TAF5: variants seen among roughly 807,000 people sequenced by gnomAD.
TAF5 encodes transcription initiation factor TFIID subunit 5.
TAF5 carries 20 observed loss-of-function variants against 80.9 expected under a neutral mutation model. That is an observed-to-expected ratio of 0.25 (90% confidence interval 0.17 to 0.36). The LOEUF is 0.36. Ranked by LOEUF, TAF5 falls within the 10% of genes least tolerant of loss-of-function variation. The pLI, the probability that TAF5 is intolerant of heterozygous loss-of-function variation, is 1.00. For synonymous variants in TAF5, 388 were observed against 406.4 expected, an observed-to-expected ratio of 0.95 and a Z score of 0.55; for missense variants, 863 against 1,029.4, an observed-to-expected ratio of 0.84 and a Z score of 2.21.
At chr10:103,376,771 A>G (rs993855186) in intron 2 of TAF5, among the ~76,000 whole-genome samples, 6 of 152,142 alleles carry the variant, frequency 3.9e-5, no homozygotes, top group Non-Finnish European at 7.4e-5. Flanking sequence ...TGAGCCGGGC[A>G]TGGTGGCTCA....
At chr10:103,375,382 G>A (rs147410861) in intron 2 of TAF5, among the ~76,000 whole-genome samples, 7 of 152,226 alleles carry the variant, frequency 4.6e-5, no homozygotes, top group Non-Finnish European at 1.0e-4. Context: ...AGATATCATT[G>A]AAATCTCCAG....
intron 1 of TAF5, among the ~76,000 whole-genome samples, chr10:103,372,914 G>A (rs75351305): frequency 6.7e-6 from 1 of 149,356 alleles, no homozygotes. Context: ...AAAAAAAAAA[G>A]ACTACGTGGG....
intron 1 of TAF5, 85 bp downstream of exon 1, chr10:103,368,633 C>G: frequency 7.2e-7 from 1 of 1,384,364 alleles, no homozygotes; most frequent in Non-Finnish European, 9.3e-7. Flanking sequence ...TGCACCTCTG[C>G]GGGCTTGTTT....
intron 7 of TAF5, 100 bp downstream of exon 7, chr10:103,383,467 A>T: frequency 8.4e-7 from 1 of 1,194,850 alleles, no homozygotes; most frequent in Admixed American, 3.2e-5. Flanking sequence ...GAAAATTCTG[A>T]TAAAAATCTC....
chr10:103,381,986 A>C, intron 6 of TAF5, 145 bp downstream of exon 6: 1 of 1,234,570 alleles, frequency 8.1e-7, no homozygotes, highest in Non-Finnish European at 1.1e-6. Context: ...CCCAACAGTG[A>C]AAAAAGCTTT....
chr10:103,370,371 G>A (rs1472971862), intron 1 of TAF5, among the ~76,000 whole-genome samples: 4 of 137,894 alleles, frequency 2.9e-5, no homozygotes, highest in African/African-American at 1.1e-4. Flanking sequence ...TGTCGGCCAG[G>A]CTGGAGTGCA....
chr10:103,382,294 T>C (rs1037063001), intron 6 of TAF5, among the ~76,000 whole-genome samples: 7 of 152,202 alleles, frequency 4.6e-5, no homozygotes, highest in Non-Finnish European at 1.0e-4. Flanking sequence ...CTTGGCTCAC[T>C]ACAGCCTCTA....
At chr10:103,376,909 T>A (rs554001583) in intron 2 of TAF5, among the ~76,000 whole-genome samples, 1 of 152,276 alleles carries the variant, frequency 6.6e-6, no homozygotes, top group African/African-American at 2.4e-5. Flanking sequence ...CCAGCCATGG[T>A]GGCACGTGCC....
intron 8 of TAF5, among the ~76,000 whole-genome samples, chr10:103,385,925 C>CAAAAAAAAAAA (rs761128565): frequency 7.3e-5 from 3 of 41,206 alleles, no homozygotes; most frequent in Non-Finnish European, 7.9e-5. Context: ...GACTTCATCT[C>CAAAAAAAAAAA]AAAAAAAAAA....
intron 8 of TAF5, among the ~76,000 whole-genome samples, chr10:103,386,244 G>A (rs1212039268): frequency 6.6e-6 from 1 of 151,820 alleles, no homozygotes; most frequent in African/African-American, 2.4e-5. Context: ...TTCCAGACCA[G>A]CCTGGCCAAC....
intron 8 of TAF5, among the ~76,000 whole-genome samples, chr10:103,385,925 C>CAAAAAA (rs761128565): frequency 1.2e-3 from 49 of 41,176 alleles, no homozygotes; most frequent in African/African-American, 3.1e-3. Flanking sequence ...GACTTCATCT[C>CAAAAAA]AAAAAAAAAA....
chr10:103,383,393 A>T, intron 7 of TAF5, 26 bp downstream of exon 7: 1 of 1,569,522 alleles, frequency 6.4e-7, no homozygotes, highest in Non-Finnish European at 8.6e-7. Flanking sequence ...TAAAAATTAA[A>T]TACTGCTATG....
rs1333835825 is a variant in TAF5 at position 103,368,692 on chromosome 10, A to G, written c.559+144A>G. ...GGGCCACATGCCCGCCCCTTTCTCT[A>G]GTGCGCGGGCTGCGCAGTCAAACCC... On this transcript the variant is annotated intron_variant, in intron 1 of 10. Transcript: ENST00000369839. The G allele has an allele frequency of 7.7e-6, 9 of 1,164,878 alleles. No individual in the cohort carries two copies. The East Asian group carries it at 1.2e-4, about 15-fold the overall frequency. The allele number at this position is 1,164,878 out of a possible 1,614,324, so 72.2% of individuals were successfully genotyped here.
In TAF5 at chr10:103,378,958, C is replaced by T. The variant is rs920691263; in HGVS notation, c.1113+408C>T. ...AACAGGCGTGAGCTACTGCGCCTGG[C>T]CGCTTGGAAACAATTTTATACTGTA... is the stretch of plus-strand genomic sequence containing the variant. On this transcript the variant is annotated intron_variant, in intron 3 of 10. Coordinates refer to ENST00000369839, the MANE Select transcript of TAF5 (RefSeq NM_006951.5). The surrounding 1 kb of genome is among the most constrained non-coding windows in gnomAD (Gnocchi z 4.1). 3.7e-4 allele frequency among the ~76,000 whole-genome samples: 56 copies of T among 152,118 alleles called. No homozygotes were observed. The highest frequency in any genetic ancestry group is 4.3e-4 in the Non-Finnish European group (29 of 68,026).
At chr10:103,368,734 T>C (rs2093351862) in intron 1 of TAF5, among the ~76,000 whole-genome samples, 186 bp downstream of exon 1, 1 of 152,148 alleles carries the variant, frequency 6.6e-6, no homozygotes, top group South Asian at 2.1e-4. Flanking sequence ...GAGCTGTCAG[T>C]TCCAGTGAGA....
At chr10:103,370,475 G>A (rs191766261) in intron 1 of TAF5, among the ~76,000 whole-genome samples, 153 of 151,406 alleles carry the variant, frequency 1.0e-3, no homozygotes, top group Non-Finnish European at 1.5e-3. Flanking sequence ...ACAGGCACGT[G>A]CCACCATGCC....
rs2093350260 is a variant in TAF5, at chr10:103,368,355, G to C, written c.366G>C (p.Leu122=). ...AEEALRREAG[L]LEEAVAGSGA... ...AGGCGCTGCGCCGTGAGGCCGGGCT[G>C]CTGGAGGAGGCAGTGGCGGGCTCCG... is the stretch of plus-strand genomic sequence containing the variant. The change falls in exon 1 of 11, where the codon CTG becomes CTC. Residue 122 remains leucine (L), a synonymous_variant. Coordinates refer to ENST00000369839, the MANE Select transcript of TAF5 (RefSeq NM_006951.5). The C allele has an allele frequency of 1.9e-6, 3 of 1,576,944 alleles. No individual in the cohort carries two copies. The highest frequency in any genetic ancestry group is 2.6e-6 in the Non-Finnish European group (3 of 1,170,266).
rs749200203 is a variant in TAF5, at chr10:103,379,718, T to C, written c.1224T>C (p.Asp408=). 28 of 1,607,488 alleles carry C rather than the reference T, an allele frequency of 1.7e-5. No homozygotes were observed. Among genetic ancestry groups the C allele is most frequent in the Middle Eastern group, 1.7e-4 (1 of 6,048 alleles). ...GKPKKKKPKK[D]SIGSKSKKQD... ...CTAAAAAGAAGAAGCCTAAAAAAGA[T>C]AGTATTGGATCCAAAAGCAAAAAAC... is the stretch of plus-strand genomic sequence containing the variant. Residue 408 remains aspartate (D), a synonymous_variant, in exon 4 of 11, where the codon GAT becomes GAC. Coordinates refer to ENST00000369839, the MANE Select transcript of TAF5 (RefSeq NM_006951.5).
intron 8 of TAF5, among the ~76,000 whole-genome samples, chr10:103,385,945 A>T (rs1241672737): frequency 6.6e-6 from 1 of 151,050 alleles, no homozygotes; most frequent in Non-Finnish European, 1.5e-5. Context: ...AAAAAAAAAA[A>T]AAAAAAGAAA....
Sources: allele counts gnomAD v4.1 joint callset (sites outside exome capture counted in the v4.1 genomes callset), GRCh38; gene constraint gnomAD v4.1.1; non-coding constraint Gnocchi (gnomAD v3.1); transcripts MANE v1.5; gene names NCBI Gene and HGNC (gene_info 2026-07-23, HGNC 2026-07-21).